Variants in GALNTL6 observed in about 807,000 individuals in gnomAD.
GALNTL6 encodes polypeptide N-acetylgalactosaminyltransferase-like 6.
In GALNTL6, 46 loss-of-function variants were observed where a neutral mutation model predicts 73.7. The observed-to-expected ratio is 0.62, with a 90% CI of 0.49 to 0.80. The LOEUF (loss-of-function observed/expected upper bound fraction) is 0.80. GALNTL6 is among the 30% of genes least tolerant of loss of function. The pLI is 0.00. For missense variants in GALNTL6, 604 were observed against 755.0 expected (o/e 0.80, Z 2.34); for synonymous variants, 259 against 263.7 (o/e 0.98, Z 0.17).
chr4:172,720,353 G>A (rs575470711), intron 5 of GALNTL6, among the ~76,000 whole-genome samples: 5 of 152,196 alleles, frequency 3.3e-5, no homozygotes, highest in South Asian at 4.2e-4. Flanking sequence ...AGTGCTTCCC[G>A]CCCGCCATTC....
intron 2 of GALNTL6, among the ~76,000 whole-genome samples, chr4:172,210,768 G>A (rs535572550): frequency 2.6e-5 from 4 of 152,076 alleles, no homozygotes; most frequent in Admixed American, 6.6e-5. Flanking sequence ...AAAGAGTTAC[G>A]TTCCACCTAG....
chr4:172,237,547 A>G (rs1274672087), intron 3 of GALNTL6, among the ~76,000 whole-genome samples: 2 of 152,048 alleles, frequency 1.3e-5, no homozygotes, highest in African/African-American at 4.8e-5. Context: ...TTGTCCATTT[A>G]CTGTGTTAAT....
chr4:172,271,601 C>T (rs1178284800), intron 3 of GALNTL6, among the ~76,000 whole-genome samples: 1 of 152,012 alleles, frequency 6.6e-6, no homozygotes, highest in African/African-American at 2.4e-5. Flanking sequence ...TATATATACA[C>T]ACCTATATAT....
chr4:172,458,109 C>T (rs1732468036), intron 5 of GALNTL6, among the ~76,000 whole-genome samples: 1 of 151,940 alleles, frequency 6.6e-6, no homozygotes, highest in Admixed American at 6.6e-5. Context: ...ACAACGTGCT[C>T]CTGAATGACT....
At chr4:171,998,907 C>T (rs1033535640) in intron 2 of GALNTL6, among the ~76,000 whole-genome samples, 3 of 152,272 alleles carry the variant, frequency 2.0e-5, no homozygotes, top group African/African-American at 4.8e-5. Context: ...CAGGTCCACC[C>T]TCTGCTATGT....
At chr4:171,971,296 T>A (rs1739562075) in intron 2 of GALNTL6, among the ~76,000 whole-genome samples, 1 of 152,190 alleles carries the variant, frequency 6.6e-6, no homozygotes, top group Non-Finnish European at 1.5e-5. Context: ...TAGAAATGCC[T>A]CTTTGAGGTA....
intron 2 of GALNTL6, among the ~76,000 whole-genome samples, chr4:172,039,146 G>T (rs778396505): frequency 5.3e-5 from 8 of 152,086 alleles, no homozygotes; most frequent in Non-Finnish European, 8.8e-5. Context: ...CATTGATATT[G>T]TGAATTTTGT....
chr4:172,596,392 C>A (rs1252764890), intron 5 of GALNTL6, among the ~76,000 whole-genome samples: 1 of 149,704 alleles, frequency 6.7e-6, no homozygotes, highest in Non-Finnish European at 1.5e-5. Context: ...TTGCCGTGTG[C>A]TGTGATCATA....
chr4:172,952,313 C>G (rs1057075446), intron 10 of GALNTL6, 55 bp downstream of exon 10: 2 of 1,309,830 alleles, frequency 1.5e-6, no homozygotes, highest in Non-Finnish European at 1.1e-6. Flanking sequence ...GTGCCTCCCC[C>G]ATAGCCTCAG....
At chr4:172,406,255 G>A (rs775862075) in intron 5 of GALNTL6, among the ~76,000 whole-genome samples, 2 of 151,740 alleles carry the variant, frequency 1.3e-5, no homozygotes, top group Non-Finnish European at 2.9e-5. Flanking sequence ...CAAACTCCTG[G>A]GCTCAAGCAA....
At chr4:172,334,274 T>C (rs1741233197) in intron 4 of GALNTL6, among the ~76,000 whole-genome samples, 1 of 152,232 alleles carries the variant, frequency 6.6e-6, no homozygotes, top group South Asian at 2.1e-4. Context: ...CTGCTTTTTC[T>C]AATTCTGTGA....
chr4:172,299,316 C>G (rs902630989), intron 3 of GALNTL6, among the ~76,000 whole-genome samples: 1 of 152,112 alleles, frequency 6.6e-6, no homozygotes, highest in African/African-American at 2.4e-5. Flanking sequence ...TTCAAAAAAC[C>G]AGCTCCTGGA....
At chr4:172,760,711 T>G (rs991919422) in intron 5 of GALNTL6, among the ~76,000 whole-genome samples, 10 of 152,142 alleles carry the variant, frequency 6.6e-5, no homozygotes, top group African/African-American at 2.4e-4. Flanking sequence ...CCAGCTGCAC[T>G]CACACTGGAG....
intron 5 of GALNTL6, among the ~76,000 whole-genome samples, chr4:172,775,818 C>G (rs6819460): frequency 0.5 from 76,276 of 151,942 alleles, 19,945 homozygotes; most frequent in East Asian, 0.78. Flanking sequence ...GGGAGATTCT[C>G]TTTGAGGGAT....
At chr4:172,989,635 A>G (rs540092610) in intron 10 of GALNTL6, among the ~76,000 whole-genome samples, 4 of 152,154 alleles carry the variant, frequency 2.6e-5, no homozygotes, top group African/African-American at 9.6e-5. Flanking sequence ...TGGTTGCTTA[A>G]AAGTGTGCAG....
At chr4:172,315,737 T>G (rs1439600039) in intron 4 of GALNTL6, among the ~76,000 whole-genome samples, 1 of 152,152 alleles carries the variant, frequency 6.6e-6, no homozygotes, top group African/African-American at 2.4e-5. Flanking sequence ...CAATGAGCAC[T>G]TCTGTATGAC....
intron 5 of GALNTL6, among the ~76,000 whole-genome samples, chr4:172,659,856 T>C (rs55850929): frequency 0.43 from 65,760 of 152,056 alleles, 16,126 homozygotes; most frequent in East Asian, 0.68. Flanking sequence ...CAGCTTCAAC[T>C]CTTCCCCAGG....
chr4:172,431,424 T>C (rs926315643), intron 5 of GALNTL6, among the ~76,000 whole-genome samples: 1 of 152,172 alleles, frequency 6.6e-6, no homozygotes, highest in Non-Finnish European at 1.5e-5. Flanking sequence ...ATTATCTTTA[T>C]GGTTTCACAA....
chr4:172,054,938 T>G (rs1278878128), intron 2 of GALNTL6, among the ~76,000 whole-genome samples: 1 of 152,156 alleles, frequency 6.6e-6, no homozygotes, highest in East Asian at 1.9e-4. Context: ...GAAGAGTATA[T>G]GTAACAAACT....
Sources: allele counts gnomAD v4.1 joint callset (sites outside exome capture counted in the v4.1 genomes callset), GRCh38; gene constraint gnomAD v4.1.1; transcripts MANE v1.5; gene names NCBI Gene and HGNC (gene_info 2026-07-23, HGNC 2026-07-21).